PAK5: variants seen among roughly 807,000 people sequenced by gnomAD.
PAK5 encodes the protein serine/threonine-protein kinase PAK 5.
In PAK5, 16 loss-of-function variants were observed where a neutral mutation model predicts 65.9. That is an observed-to-expected ratio of 0.24 (90% confidence interval 0.16 to 0.37). PAK5 has a LOEUF of 0.37. Among genes scored for constraint, PAK5 ranks in the 10% least tolerant of loss-of-function variants. The pLI, the probability that PAK5 is intolerant of heterozygous loss-of-function variation, is 1.00. For missense variants in PAK5, 785 were observed against 903.9 expected (o/e 0.87, Z 1.69); for synonymous variants, 371 against 354.9 (o/e 1.05, Z -0.51).
intron 4 of PAK5, among the ~76,000 whole-genome samples, chr20:9,574,010 A>G (rs1474522536): frequency 3.9e-5 from 6 of 152,206 alleles, no homozygotes; most frequent in African/African-American, 1.4e-4. Flanking sequence ...TTATCTGAGC[A>G]TGGAAAGGAC....
At chr20:9,698,806 G>C (rs532056031) in intron 2 of PAK5, among the ~76,000 whole-genome samples, 2 of 152,124 alleles carry the variant, frequency 1.3e-5, no homozygotes, top group African/African-American at 2.4e-5. Context: ...CTTTGATTTT[G>C]ACCAGTGAGA....
rs1191767492 is a variant in PAK5, at chr20:9,539,497, T to C, written c.2125A>G (p.Ile709Val). ...CTGTATTGTCTCATGAGGGGGACGA[T>C]GCAAGACGGTGGACCTGCTAGTTTT... Reference protein sequence around the residue: ...FLKLAGPPSCIVPLMRQYRHH With the variant: ...FLKLAGPPSCVVPLMRQYRHH The change falls in exon 10 of 10, where the codon ATC becomes GTC. Residue 709 changes from isoleucine to valine, a missense_variant. Physicochemically the swap from Ile to Val is conservative, Grantham distance 29. This residue lies in a region of PAK5 where 110 missense variants were observed against 107.4 expected (regional missense o/e 1.02). Transcript: ENST00000353224. 5 of 1,614,140 alleles carry C rather than the reference T, an allele frequency of 3.1e-6. No homozygotes were observed. The highest frequency in any genetic ancestry group is 2.2e-5 in the East Asian group (1 of 44,884).
intron 2 of PAK5, among the ~76,000 whole-genome samples, chr20:9,689,121 C>T (rs143021283): frequency 2.6e-5 from 4 of 152,272 alleles, no homozygotes; most frequent in Admixed American, 6.5e-5. Context: ...GTATAATTAA[C>T]GTCTGTAGTT....
chr20:9,668,827 A>C (rs1038752106), intron 2 of PAK5, among the ~76,000 whole-genome samples: 1 of 152,176 alleles, frequency 6.6e-6, no homozygotes, highest in African/African-American at 2.4e-5. Flanking sequence ...TAAGGCAGTT[A>C]CCTAAGTGCA....
intron 2 of PAK5, among the ~76,000 whole-genome samples, chr20:9,684,748 G>A (rs1265903296): frequency 6.6e-6 from 1 of 152,146 alleles, no homozygotes; most frequent in Non-Finnish European, 1.5e-5. Flanking sequence ...GTATTTTTAA[G>A]CCTCTTAATA....
intron 1 of PAK5, among the ~76,000 whole-genome samples, chr20:9,809,378 C>T (rs957572187): frequency 9.8e-5 from 14 of 143,406 alleles, no homozygotes; most frequent in African/African-American, 1.3e-4. Flanking sequence ...ATAATGACTC[C>T]GATTCTAGGG....
chr20:9,605,079 T>C (rs190922045), intron 3 of PAK5, among the ~76,000 whole-genome samples: 160 of 152,298 alleles, frequency 1.1e-3, no homozygotes, highest in African/African-American at 3.6e-3. Context: ...GAAATCCACA[T>C]TGGGTGCCCC....
At chr20:9,821,247 G>T (rs1044157729) in intron 1 of PAK5, among the ~76,000 whole-genome samples, 1 of 152,122 alleles carries the variant, frequency 6.6e-6, no homozygotes, top group Non-Finnish European at 1.5e-5. Context: ...TGGGCATGGT[G>T]GTGGGGACCT....
intron 8 of PAK5, among the ~76,000 whole-genome samples, chr20:9,543,780 G>C (rs757503816): frequency 6.6e-5 from 10 of 152,254 alleles, no homozygotes; most frequent in South Asian, 6.2e-4. Flanking sequence ...CTCTGGCCCT[G>C]CATTTTCACA....
At chr20:9,681,132 A>G (rs891536082) in intron 2 of PAK5, among the ~76,000 whole-genome samples, 2 of 152,228 alleles carry the variant, frequency 1.3e-5, no homozygotes, top group South Asian at 2.1e-4. Context: ...TCAATAAAGT[A>G]TAATACATTT....
At chr20:9,786,713 G>T (rs2048996732) in intron 1 of PAK5, among the ~76,000 whole-genome samples, 1 of 152,138 alleles carries the variant, frequency 6.6e-6, no homozygotes, top group Non-Finnish European at 1.5e-5. Flanking sequence ...AGAGGACATG[G>T]TAATCTGTTT....
At chr20:9,665,011 G>C (rs2047395030) in intron 2 of PAK5, among the ~76,000 whole-genome samples, 1 of 150,860 alleles carries the variant, frequency 6.6e-6, no homozygotes, top group African/African-American at 2.4e-5. Context: ...CTGGGCTCAA[G>C]TGATCCTCCC....
chr20:9,667,323 T>A (rs2123354593), intron 2 of PAK5, among the ~76,000 whole-genome samples: 1 of 152,280 alleles, frequency 6.6e-6, no homozygotes, highest in East Asian at 1.9e-4. Flanking sequence ...CAGCCTGGAA[T>A]GCCTATAGTG....
At chr20:9,656,636 T>C (rs894560280) in intron 2 of PAK5, among the ~76,000 whole-genome samples, 2 of 152,192 alleles carry the variant, frequency 1.3e-5, no homozygotes, top group African/African-American at 4.8e-5. Context: ...CAAACCTTTG[T>C]TCTTCTACTT....
At chr20:9,638,288 A>G (rs2047006932) in intron 3 of PAK5, among the ~76,000 whole-genome samples, 1 of 152,220 alleles carries the variant, frequency 6.6e-6, no homozygotes, top group South Asian at 2.1e-4. Context: ...TCTCAATGAT[A>G]TTTGCCAAAT....
intron 7 of PAK5, among the ~76,000 whole-genome samples, chr20:9,547,567 C>T (rs942744881): frequency 6.6e-6 from 1 of 152,116 alleles, no homozygotes. Flanking sequence ...AGCCAGGATT[C>T]GGGAATTTAA....
intron 1 of PAK5, among the ~76,000 whole-genome samples, chr20:9,798,863 G>A (rs755476695): frequency 3.3e-5 from 5 of 152,032 alleles, no homozygotes; most frequent in Admixed American, 2.6e-4. Context: ...GGTAATTCTT[G>A]GGCCCCACCC....
At chr20:9,809,931 T>C (rs2049278610) in intron 1 of PAK5, among the ~76,000 whole-genome samples, 1 of 152,204 alleles carries the variant, frequency 6.6e-6, no homozygotes, top group Non-Finnish European at 1.5e-5. Context: ...GGATTCTATT[T>C]ATCTTTCCTC....
chr20:9,659,301 T>C (rs67944846), intron 2 of PAK5, among the ~76,000 whole-genome samples: 27,886 of 152,104 alleles, frequency 0.18, 2,929 homozygotes, highest in East Asian at 0.4. Context: ...CAGAGAACCT[T>C]ATGTAACCTT....
Sources: allele counts gnomAD v4.1 joint callset (sites outside exome capture counted in the v4.1 genomes callset), GRCh38; gene constraint gnomAD v4.1.1; regional missense constraint gnomAD v4.1.1; transcripts MANE v1.5; gene names NCBI Gene and HGNC (gene_info 2026-07-23, HGNC 2026-07-21).